The following CAD variants were observed in gnomAD, a reference collection of about 807,000 sequenced individuals.
The protein encoded by CAD is carbamoyl-phosphate synthetase 2, aspartate transcarbamylase, and dihydroorotase.
Under a neutral mutation model 237.2 loss-of-function variants are expected in CAD, and 81 were observed. The ratio of observed to expected loss-of-function variants is 0.34; its 90% CI spans 0.29 to 0.41. CAD has a LOEUF of 0.41. Among genes scored for constraint, CAD ranks in the 10% least tolerant of loss-of-function variants. The probability of loss-of-function intolerance (pLI) is 1.00; values close to 1 mark genes in which losing one functional copy is unlikely to be tolerated. For missense variants in CAD, 2,181 were observed against 2,951.7 expected, an observed-to-expected ratio of 0.74 and a Z score of 6.05; for synonymous variants, 1,196 against 1,162.8, an observed-to-expected ratio of 1.03 and a Z score of -0.58.
intron 2 of CAD, among the ~76,000 whole-genome samples, chr2:27,220,368 C>T (rs111773120): frequency 6.6e-5 from 10 of 152,094 alleles, no homozygotes; most frequent in African/African-American, 2.2e-4. Context: ...AAGAAAGAGG[C>T]GGGGCGCGGT....
chr2:27,233,332 G>C lies in CAD; in HGVS notation c.3012G>C (p.Glu1004Asp). The C allele has an allele frequency of 6.2e-7, 1 of 1,614,202 alleles. No homozygotes were observed. The change falls in exon 20 of 44, where the codon GAG becomes GAC. Residue 1004 changes from glutamate (E) to aspartate (D), a missense_variant. This residue lies in a region of CAD where 385 missense variants were observed against 535.1 expected (regional missense o/e 0.72). Transcript: ENST00000264705. The surrounding 1 kb of genome is among the most constrained non-coding windows in gnomAD (Gnocchi z 6.3). The part of the protein sequence containing the change: ...ISFEVVMDIY[E>D]LENPEGVILS... ...CGTAGGTGGTGATGGACATCTATGAGCTCGAGAACCCTGAAGGTGTGATCC... is the reference window on the plus strand; with the variant it reads ...CGTAGGTGGTGATGGACATCTATGACCTCGAGAACCCTGAAGGTGTGATCC...
In CAD at chr2:27,242,521, G is replaced by T; in HGVS notation, c.6222+94G>T. On this transcript the variant is annotated intron_variant, in intron 40 of 43. Transcript: ENST00000264705. This position sits in a 1 kb window ranked among gnomAD's most constrained non-coding sequence, Gnocchi z 6.4. ...CCCCGGTACAGGACAGCTGCATCAA[G>T]GAGGCCTTCATTCTGCTCCAGAGGC... is the stretch of plus-strand genomic sequence containing the variant. The T allele has an allele frequency of 6.4e-7, 1 of 1,559,886 alleles. No homozygotes were observed. The highest frequency in any genetic ancestry group is 8.7e-7 in the Non-Finnish European group (1 of 1,146,960).
Position 27,239,980 on chromosome 2 carries a change from C to T in CAD, c.5496+182C>T. 1.7e-6 allele frequency: 1 copy of T among 598,654 alleles called. No homozygotes were observed. Among genetic ancestry groups the T allele is most frequent in the Non-Finnish European group, 2.9e-6 (1 of 347,474 alleles). 37.1% of individuals were successfully genotyped at this position (598,654 alleles called of 1,614,324 possible). A position where few individuals can be genotyped will look rare whatever the true frequency, so the allele number is the denominator to read the frequency against. On this transcript the variant is annotated intron_variant, in intron 34 of 43. Coordinates refer to ENST00000264705, the MANE Select transcript of CAD (RefSeq NM_004341.5). This position sits in a 1 kb window ranked among gnomAD's most constrained non-coding sequence, Gnocchi z 4.0. ...GCCAGGCCAGATGTGGTGGCTCACACTTGTAATCCCAGCACTTTGGGAGGC... is the reference window on the plus strand; with the variant it reads ...GCCAGGCCAGATGTGGTGGCTCACATTTGTAATCCCAGCACTTTGGGAGGC...
chr2:27,236,724 A>G lies in CAD; in HGVS notation c.4315-25A>G. ...CAACTCCCAGGATCACCCTTCCCTTAAAGCTGACTGCTTTCCACTTGCAGG... is the reference window on the plus strand; with the variant it reads ...CAACTCCCAGGATCACCCTTCCCTTGAAGCTGACTGCTTTCCACTTGCAGG... On this transcript the variant is annotated intron_variant, in intron 26 of 43. Coordinates refer to ENST00000264705, the MANE Select transcript of CAD (RefSeq NM_004341.5). The surrounding 1 kb of genome is among the most constrained non-coding windows in gnomAD (Gnocchi z 4.1). 1 of 1,611,482 alleles carries G rather than the reference A, an allele frequency of 6.2e-7. No individual in the cohort carries two copies. Among genetic ancestry groups the G allele is most frequent in the Non-Finnish European group, 8.5e-7 (1 of 1,177,560 alleles).
At position 27,232,372 on chromosome 2, in the gene CAD, G is replaced by A. The variant is rs192038754; in HGVS notation, c.2646-76G>A. Reference sequence around the variant, plus strand: ...TCCAAGGATATTTCCTCTCATCTGTGCCCTGGGGTCTCAACCCTCTATCAG... The same window carrying A: ...TCCAAGGATATTTCCTCTCATCTGTACCCTGGGGTCTCAACCCTCTATCAG... On this transcript the variant is annotated intron_variant, in intron 17 of 43. Coordinates refer to ENST00000264705, the MANE Select transcript of CAD (RefSeq NM_004341.5). This position sits in a 1 kb window ranked among gnomAD's most constrained non-coding sequence, Gnocchi z 4.1. 30 of 1,593,194 alleles carry A rather than the reference G, an allele frequency of 1.9e-5. No individual in the cohort carries two copies. The African/African-American group carries it at 3.2e-4, about 17-fold the overall frequency.
At chr2:27,219,288 CTTTCTG>C (rs150848883) in intron 2 of CAD, among the ~76,000 whole-genome samples, 1 of 152,282 alleles carries the variant, frequency 6.6e-6, no homozygotes, top group Non-Finnish European at 1.5e-5. Flanking sequence ...CCCACATAAA[CTTTCTG>C]TTTCTATGTA....
At position 27,235,519 on chromosome 2, in the gene CAD, C is replaced by T. The variant is rs2148082318; in HGVS notation, c.3970-17C>T. On this transcript the variant is annotated splice_polypyrimidine_tract_variant and intron_variant, in intron 24 of 43. Transcript: ENST00000264705. The surrounding 1 kb of genome is among the most constrained non-coding windows in gnomAD (Gnocchi z 5.2). The stretch of plus-strand genomic sequence containing the variant: ...AAGACAGGAAGAAAACAATTTCATC[C>T]TTCTGTTTGGTTTCAGAACAAAAGC... 3 of 1,613,694 alleles carry T rather than the reference C, an allele frequency of 1.9e-6. No individual in the cohort carries two copies. The highest frequency in any genetic ancestry group is 2.5e-6 in the Non-Finnish European group (3 of 1,179,690).
At chr2:27,219,685 G>T (rs528983323) in intron 2 of CAD, among the ~76,000 whole-genome samples, 1 of 152,112 alleles carries the variant, frequency 6.6e-6, no homozygotes, top group South Asian at 2.1e-4. Context: ...CGCCTCCCGG[G>T]TTCAAGCTAT....
Position 27,236,612 on chromosome 2 carries a change from G to A in CAD, c.4314+89G>A. 1.3e-6 allele frequency: 2 copies of A among 1,576,108 alleles called. No homozygotes were observed. The highest frequency in any genetic ancestry group is 1.7e-6 in the Non-Finnish European group (2 of 1,151,794). On this transcript the variant is annotated intron_variant, in intron 26 of 43. Coordinates refer to ENST00000264705, the MANE Select transcript of CAD (RefSeq NM_004341.5). This position sits in a 1 kb window ranked among gnomAD's most constrained non-coding sequence, Gnocchi z 4.1. ...GAGTGAGTATGGAACAGCCATGCTA[G>A]TAATAAAGCTTTGTGGCTACAGAGG... is the stretch of plus-strand genomic sequence containing the variant.
Position 27,239,238 on chromosome 2 carries a change from G to A in CAD, c.5253+6G>A. The A allele has an allele frequency of 6.2e-7, 1 of 1,603,028 alleles. No homozygotes were observed. The highest frequency in any genetic ancestry group is 8.5e-7 in the Non-Finnish European group (1 of 1,172,092). Reference sequence around the variant, plus strand: ...AGGAGGACACCTATGTGGAGGTGTGGGGATGAGGCCCAGAGCAGGAGGGGG... The same window carrying A: ...AGGAGGACACCTATGTGGAGGTGTGAGGATGAGGCCCAGAGCAGGAGGGGG... On this transcript the variant is annotated splice_donor_region_variant and intron_variant, in intron 32 of 43. Coordinates refer to ENST00000264705, the MANE Select transcript of CAD (RefSeq NM_004341.5). This position sits in a 1 kb window ranked among gnomAD's most constrained non-coding sequence, Gnocchi z 4.0.
intron 2 of CAD, among the ~76,000 whole-genome samples, 182 bp downstream of exon 2, chr2:27,218,198 GCA>G (rs1413154322): frequency 1.3e-5 from 2 of 152,226 alleles, no homozygotes; most frequent in African/African-American, 2.4e-5. Flanking sequence ...GCCTTGGGAG[GCA>G]CAGAGTGTTG....
At position 27,242,786 on chromosome 2, in the gene CAD, C is replaced by T. The variant is rs756830602; in HGVS notation, c.6378+11C>T. 1.4e-5 allele frequency: 23 copies of T among 1,614,076 alleles called. No homozygotes were observed. The highest frequency in any genetic ancestry group is 2.7e-5 in the African/African-American group (2 of 74,948). On this transcript the variant is annotated intron_variant, in intron 41 of 43. Coordinates refer to ENST00000264705, the MANE Select transcript of CAD (RefSeq NM_004341.5). This position sits in a 1 kb window ranked among gnomAD's most constrained non-coding sequence, Gnocchi z 6.4. ...CGCGGCACCAAGCAGGTGAGACCCT[C>T]ACAGCCCTGCCTGGAAGCCATGGAG...
intron 15 of CAD, among the ~76,000 whole-genome samples, chr2:27,230,177 A>G (rs1194531851): frequency 4.0e-5 from 6 of 151,256 alleles, no homozygotes; most frequent in African/African-American, 1.5e-4. Flanking sequence ...GGCACAGGTT[A>G]CACTGAGCTG....
chr2:27,242,593 C>T lies in CAD; in HGVS notation c.6223-27C>T. On this transcript the variant is annotated intron_variant, in intron 40 of 43. Transcript: ENST00000264705. This position sits in a 1 kb window ranked among gnomAD's most constrained non-coding sequence, Gnocchi z 6.4. Reference sequence around the variant, plus strand: ...GTCGGGGGGCACTCAGTCTGGGATCCCTGTGGTGACTGGATTCCTCTCCTA... The same window carrying T: ...GTCGGGGGGCACTCAGTCTGGGATCTCTGTGGTGACTGGATTCCTCTCCTA... 6.3e-7 allele frequency: 1 copy of T among 1,577,786 alleles called. No homozygotes were observed. The highest frequency in any genetic ancestry group is 8.6e-7 in the Non-Finnish European group (1 of 1,157,812).
chr2:27,220,233 T>C (rs1368342674), intron 2 of CAD, among the ~76,000 whole-genome samples: 2 of 152,180 alleles, frequency 1.3e-5, no homozygotes, highest in South Asian at 2.1e-4. Flanking sequence ...ATTCATCATA[T>C]GACGTAAATA....
rs1163031578 is a variant in CAD, at chr2:27,217,826, A to G, written c.83-51A>G. The G allele has an allele frequency of 5.2e-6, 8 of 1,538,354 alleles. No homozygotes were observed. The East Asian group carries it at 1.9e-4, about 36-fold the overall frequency. ...ACTGGGGCGTGCTCATCGCGCGGGGAGTGTTCCGAAGGGTGCCCTACCGGA... is the reference window on the plus strand; with the variant it reads ...ACTGGGGCGTGCTCATCGCGCGGGGGGTGTTCCGAAGGGTGCCCTACCGGA... On this transcript the variant is annotated intron_variant, in intron 1 of 43. Transcript: ENST00000264705.
rs763220540 is a variant in CAD, at chr2:27,238,549, T to C, written c.4979T>C (p.Val1660Ala). The C allele has an allele frequency of 6.2e-7, 1 of 1,613,972 alleles. No homozygotes were observed. The highest frequency in any genetic ancestry group is 8.5e-7 in the Non-Finnish European group (1 of 1,179,958). ...CGCCTGGGGCCTGGGAAGGGGGAGG[T>C]CCGGCCTGAGCTTGGCTCCCGCCAG... ...LERLGPGKGE[V>A]RPELGSRQDV... Residue 1660 changes from valine (V) to alanine (A), a missense_variant, in exon 31 of 44, where the codon GTC (valine) becomes GCC (alanine). Transcript: ENST00000264705.
In CAD at chr2:27,233,623, T is replaced by C. The variant is rs1412390426; in HGVS notation, c.3217-3T>C. 1 of 1,614,098 alleles carries C rather than the reference T, an allele frequency of 6.2e-7. No individual in the cohort carries two copies. The highest frequency in any genetic ancestry group is 2.2e-5 in the East Asian group (1 of 44,874). ...ACTCAGCTAAGCTCCCTGCCTCCTG[T>C]AGTCTGCTCGCCAATTCTGCCAGAC... On this transcript the variant is annotated splice_polypyrimidine_tract_variant and splice_region_variant and intron_variant, in intron 20 of 43. Transcript: ENST00000264705. This position sits in a 1 kb window ranked among gnomAD's most constrained non-coding sequence, Gnocchi z 6.3.
rs557508119 is a variant in CAD, at chr2:27,236,221, T to G, written c.4075-63T>G. On this transcript the variant is annotated intron_variant, in intron 25 of 43. Coordinates refer to ENST00000264705, the MANE Select transcript of CAD (RefSeq NM_004341.5). This position sits in a 1 kb window ranked among gnomAD's most constrained non-coding sequence, Gnocchi z 4.1. The stretch of plus-strand genomic sequence containing the variant: ...GGCTCCTGGGCCAGCTCCTCTCCCT[T>G]AAGGCTAGCCTTCCTGACCGCTGCC... 335 of 1,588,334 alleles carry G rather than the reference T, an allele frequency of 2.1e-4. No homozygotes were observed. The highest frequency in any genetic ancestry group is 2.7e-4 in the Non-Finnish European group (316 of 1,166,096).
Sources: allele counts gnomAD v4.1 joint callset (sites outside exome capture counted in the v4.1 genomes callset), GRCh38; gene constraint gnomAD v4.1.1; regional missense constraint gnomAD v4.1.1; non-coding constraint Gnocchi (gnomAD v3.1); transcripts MANE v1.5; gene names NCBI Gene and HGNC (gene_info 2026-07-23, HGNC 2026-07-21).